TMBIM4: variants seen among roughly 807,000 people sequenced by gnomAD.
TMBIM4 encodes transmembrane BAX inhibitor motif containing 4.
TMBIM4 carries 28 observed loss-of-function variants against 27.7 expected under a neutral mutation model. The ratio of observed to expected loss-of-function variants is 1.01; its 90% confidence interval spans 0.75 to 1.38. The LOEUF is 1.38. Ranked by LOEUF, TMBIM4 falls within the 40% of genes most tolerant of loss-of-function variation. The pLI is 0.00. For missense variants in TMBIM4, 265 were observed against 277.5 expected, an observed-to-expected ratio of 0.95 and a Z score of 0.32; for synonymous variants, 115 against 113.1, an observed-to-expected ratio of 1.02 and a Z score of -0.11.
chr12:66,158,062 TA>T (rs1376300239), intron 1 of TMBIM4, among the ~76,000 whole-genome samples: 14 of 151,238 alleles, frequency 9.3e-5, no homozygotes, highest in Non-Finnish European at 1.6e-4. Flanking sequence ...CTGTGCCTAC[TA>T]AAAGTACAAA....
intron 6 of TMBIM4, chr12:66,138,369 C>G (rs971780515): frequency 2.8e-6 from 2 of 710,226 alleles, no homozygotes; most frequent in African/African-American, 1.9e-5. Flanking sequence ...TGGTTATATT[C>G]CATTAAACTA....
At chr12:66,161,245 C>CTT in intron 1 of TMBIM4, 1 of 152,466 alleles carries the variant, frequency 6.6e-6, no homozygotes, top group East Asian at 1.9e-4. Flanking sequence ...AGCTAATTTG[C>CTT]TTTGTTTTGT....
chr12:66,142,617 T>C (rs2051686790), intron 5 of TMBIM4, among the ~76,000 whole-genome samples: 1 of 152,038 alleles, frequency 6.6e-6, no homozygotes, highest in African/African-American at 2.4e-5. Context: ...AGCAAGTCTT[T>C]TTTATAATGG....
intron 1 of TMBIM4, among the ~76,000 whole-genome samples, chr12:66,158,240 A>AAAG (rs1299906147): frequency 6.6e-6 from 1 of 151,442 alleles, no homozygotes; most frequent in African/African-American, 2.4e-5. Flanking sequence ...AAAAAAAAAA[A>AAAG]ACAAAAAAAT....
rs2052203905 is a variant in TMBIM4 at position 66,169,777 on chromosome 12, C to T, written c.97+78G>A. 2.6e-6 allele frequency: 3 copies of T among 1,175,484 alleles called. No individual in the cohort carries two copies. In the South Asian group the frequency reaches 5.0e-5, roughly 20 times the overall value. 72.8% of individuals were successfully genotyped at this position (1,175,484 alleles called of 1,614,324 possible). On this transcript the variant is annotated intron_variant, in intron 1 of 6. Coordinates refer to ENST00000358230, the MANE Select transcript of TMBIM4 (RefSeq NM_016056.4). ...GTCCCAGGAGATGGCCGCTCTCCCT[C>T]GGAAGCCGGAAGTCGGCTTCTAGAG...
rs2051588961 is a variant in TMBIM4, at chr12:66,137,105, T to C, written c.*855A>G. ...AATATCTGACTTTCAGGCCAACTTTTAATGTTAGTACAATTTAAAATAAAA... is the reference window on the plus strand; with the variant it reads ...AATATCTGACTTTCAGGCCAACTTTCAATGTTAGTACAATTTAAAATAAAA... On this transcript the variant is annotated 3_prime_UTR_variant, in exon 7 of 7. Transcript: ENST00000358230. The C allele has an allele frequency of 6.6e-6, 1 of 152,254 alleles. No homozygotes were observed. The highest frequency in any genetic ancestry group is 2.4e-5 in the African/African-American group (1 of 41,468). 9.4% of individuals were successfully genotyped at this position (152,254 alleles called of 1,614,324 possible). A position where few individuals can be genotyped will look rare whatever the true frequency, so the allele number is the denominator to read the frequency against.
rs1342235466 is a variant in TMBIM4 at position 66,147,910 on chromosome 12, A to G, written c.344T>C (p.Val115Ala). ...ATAGAAATGCAGTTACGGCTTACCA[A>G]CAACTGCCACAGTCAGAGCTTCCAA... Reference protein sequence around the residue: ...TLLEALTVAVVVTFYDVYIIL... With the variant: ...TLLEALTVAVAVTFYDVYIIL... The change falls in exon 4 of 7, where the codon GTT becomes GCT. Residue 115 changes from valine to alanine, a missense_variant and splice_region_variant. Transcript: ENST00000358230. The G allele has an allele frequency of 3.1e-6, 5 of 1,611,340 alleles. No homozygotes were observed. The South Asian group carries it at 4.4e-5, about 14-fold the overall frequency.
At chr12:66,168,674 T>C (rs1464666200) in intron 1 of TMBIM4, 1 of 152,288 alleles carries the variant, frequency 6.6e-6, no homozygotes, top group Non-Finnish European at 1.5e-5. Flanking sequence ...TCACTTCTAT[T>C]TTCTGTACCT....
chr12:66,158,508 A>G (rs993442706), intron 1 of TMBIM4, among the ~76,000 whole-genome samples: 104 of 151,720 alleles, frequency 6.9e-4, no homozygotes, highest in Non-Finnish European at 9.1e-4. Context: ...GTGTGGTGGC[A>G]TGTGCCTGTA....
rs565783254 is a variant in TMBIM4 at position 66,158,287 on chromosome 12, AAAGAGTAT to A, written c.98-4847_98-4840del. ...GACTCAGGTAATCAAAAAAATACAT[AAAGAGTAT>A]AATTGTAAAATCCTTAGTTAAGACC... On this transcript the variant is annotated intron_variant, in intron 1 of 6. Transcript: ENST00000358230. 2.7e-3 allele frequency among the ~76,000 whole-genome samples: 411 copies of A among 152,074 alleles called. 2 individuals carry two copies. Among genetic ancestry groups the A allele is most frequent in the African/African-American group, 7.8e-3 (324 of 41,502 alleles).
rs777093053 is a variant in TMBIM4, at chr12:66,145,911, TAGTC to T, written c.390_393del (p.Thr131LeufsTer7). 15 of 1,605,996 alleles carry T rather than the reference TAGTC, an allele frequency of 9.3e-6. No individual in the cohort carries two copies. The highest frequency in any genetic ancestry group is 2.2e-5 in the South Asian group (2 of 90,820). ...ACAGTCAAACCAAAAAATACTGTAG[TAGTC>T]AGTATGAAAGCTTGCAGAATAATAT... On this transcript the variant is annotated frameshift_variant, in exon 5 of 7. Transcript: ENST00000358230. LOFTEE classifies it high-confidence loss of function.
intron 1 of TMBIM4, among the ~76,000 whole-genome samples, chr12:66,159,642 A>G (rs2052001888): frequency 1.3e-5 from 2 of 152,232 alleles, no homozygotes; most frequent in Non-Finnish European, 1.5e-5. Flanking sequence ...CTGCCTGGCT[A>G]GCTCCTTCTC....
At chr12:66,143,131 TG>T (rs1384022089) in intron 5 of TMBIM4, among the ~76,000 whole-genome samples, 10 of 152,304 alleles carry the variant, frequency 6.6e-5, no homozygotes, top group Admixed American at 5.2e-4. Context: ...CTGTAGATAC[TG>T]TAACAGGTAA....
intron 1 of TMBIM4, chr12:66,169,431 C>G: frequency 1.9e-6 from 1 of 524,346 alleles, no homozygotes; most frequent in Non-Finnish European, 3.4e-6. Flanking sequence ...AACGCGAAAC[C>G]CCACAGAACA....
In TMBIM4 at chr12:66,136,928, A is replaced by G. The variant is rs145263844; in HGVS notation, c.*1032T>C. The G allele has an allele frequency of 9.9e-4, 151 of 152,362 alleles. No homozygotes were observed. The highest frequency in any genetic ancestry group is 3.4e-3 in the African/African-American group (142 of 41,588). 9.4% of individuals were successfully genotyped at this position (152,362 alleles called of 1,614,324 possible). A position where few individuals can be genotyped will look rare whatever the true frequency, so the allele number is the denominator to read the frequency against. ...TGTGTGGACCAACACAAATGAAACCATAAGACAATACTTCCCAAATATTTT... is the reference window on the plus strand; with the variant it reads ...TGTGTGGACCAACACAAATGAAACCGTAAGACAATACTTCCCAAATATTTT... On this transcript the variant is annotated 3_prime_UTR_variant, in exon 7 of 7. Coordinates refer to ENST00000358230, the MANE Select transcript of TMBIM4 (RefSeq NM_016056.4).
chr12:66,137,805 A>C lies in TMBIM4; in HGVS notation c.*155T>G. ...AAGATTTTAAAGCTCTCAAAATTAC[A>C]TATGATACAAATAAAGATTGTAACA... On this transcript the variant is annotated 3_prime_UTR_variant, in exon 7 of 7. Coordinates refer to ENST00000358230, the MANE Select transcript of TMBIM4 (RefSeq NM_016056.4). 6 of 618,090 alleles carry C rather than the reference A, an allele frequency of 9.7e-6. No individual in the cohort carries two copies. The highest frequency in any genetic ancestry group is 1.7e-5 in the Non-Finnish European group (6 of 360,572). 38.3% of individuals were successfully genotyped at this position (618,090 alleles called of 1,614,324 possible).
intron 6 of TMBIM4, 129 bp from the exon 7 acceptor site, chr12:66,138,295 G>C: frequency 1.4e-6 from 2 of 1,430,618 alleles, no homozygotes; most frequent in East Asian, 2.5e-5. Flanking sequence ...GAATACAAAT[G>C]TTAAAAGCAG....
chr12:66,152,187 C>T (rs2051855462), intron 3 of TMBIM4, 84 bp downstream of exon 3: 4 of 632,540 alleles, frequency 6.3e-6, no homozygotes, highest in Non-Finnish European at 9.8e-6. Context: ...TTTTGTTCTG[C>T]CGTTGTTATA....
chr12:66,148,937 A>G lies in TMBIM4; in HGVS notation c.313-996T>C, dbSNP rs539838803. 7.2e-5 allele frequency among the ~76,000 whole-genome samples: 11 copies of G among 152,302 alleles called. No homozygotes were observed. In the South Asian group the frequency reaches 2.3e-3, roughly 32 times the overall value. ...CAATCATCTGATAGACCATATCACA[A>G]AGGCAAAGCCAGAAATAAAGGCAGT... On this transcript the variant is annotated intron_variant, in intron 3 of 6. Transcript: ENST00000358230.
Sources: gnomAD v4.1 joint callset for allele counts (sites outside exome capture counted in the v4.1 genomes callset) on GRCh38, gnomAD v4.1.1 for gene constraint, MANE v1.5 for transcripts, NCBI Gene and HGNC (gene_info 2026-07-23, HGNC 2026-07-21) for gene names.